The following CACNA1H variants were observed in gnomAD, a reference collection of about 807,000 sequenced individuals.
CACNA1H encodes the protein voltage-dependent T-type calcium channel subunit alpha-1H.
In CACNA1H, 149 loss-of-function variants were observed where a neutral mutation model predicts 192.5. The ratio of observed to expected loss-of-function variants is 0.77; its 90% CI spans 0.68 to 0.89. The LOEUF is 0.89. CACNA1H is among the 40% of genes least tolerant of loss of function. CACNA1H has a pLI of 0.00. For missense variants in CACNA1H, 4,257 were observed against 3,423.5 expected (o/e 1.24, Z -6.08); for synonymous variants, 2,202 against 1,475.2 (o/e 1.49, Z -11.29).
At chr16:1,198,866 C>T (rs1967331558) in intron 6 of CACNA1H, 92 bp downstream of exon 6, 2 of 1,283,748 alleles carry the variant, frequency 1.6e-6, no homozygotes, top group Admixed American at 2.1e-5. Flanking sequence ...CCCCACGTGG[C>T]TCTGCCCACC....
chr16:1,220,705 C>G lies in CACNA1H; in HGVS notation c.6773C>G (p.Ala2258Gly). The G allele has an allele frequency of 1.2e-6, 2 of 1,611,868 alleles. No individual in the cohort carries two copies. The highest frequency in any genetic ancestry group is 1.7e-6 in the Non-Finnish European group (2 of 1,179,544). Residue 2258 changes from alanine (A) to glycine (G), a missense_variant, in exon 35 of 35, where the codon GCT becomes GGT. By Grantham distance (60) the Ala-to-Gly change is moderately conservative. Transcript: ENST00000348261. ...CGCTGGGGCCAGGCCTCCTGCCGGG[C>G]TGAGCACCTGACCGTCCCCAGCTTT... Reference protein sequence around the residue: ...GERWGQASCRAEHLTVPSFAF... With the variant: ...GERWGQASCRGEHLTVPSFAF...
chr16:1,206,807 C>G, intron 12 of CACNA1H, 194 bp from the exon 13 acceptor site: 1 of 583,518 alleles, frequency 1.7e-6, no homozygotes, highest in East Asian at 2.8e-5. Context: ...ATGGACACTA[C>G]TGAGTTGTAG....
rs777626104 is a variant in CACNA1H at position 1,209,139 on chromosome 16, C to T, written c.3471C>T (p.Arg1157=). ...GCCGTGCCCCCAGCCTCAAGCGCCG[C>T]GGCCAGTGTGGGGAACGTGAGTCCC... ...SLGRAPSLKR[R]GQCGERESLL... is the part of the protein sequence containing the mutation. The change falls in exon 17 of 35, where the codon CGC becomes CGT. Residue 1157 remains arginine (R), a synonymous_variant. Transcript: ENST00000348261. 3.2e-5 allele frequency: 49 copies of T among 1,553,142 alleles called. No homozygotes were observed. In the Middle Eastern group the frequency reaches 5.0e-4, roughly 16 times the overall value.
intron 8 of CACNA1H, 39 bp from the exon 9 acceptor site, chr16:1,201,624 G>C (rs989262448): frequency 2.0e-6 from 3 of 1,518,844 alleles, no homozygotes; most frequent in African/African-American, 2.7e-5. Context: ...TCAGAGACTC[G>C]CTCACTCACT....
intron 2 of CACNA1H, among the ~76,000 whole-genome samples, chr16:1,163,233 C>T (rs991264551): frequency 7.9e-5 from 12 of 152,242 alleles, no homozygotes; most frequent in African/African-American, 2.2e-4. Flanking sequence ...GCCCTGGTGC[C>T]CGTCTGCAGG....
rs373463420 is a variant in CACNA1H, at chr16:1,207,835, C to T, written c.3129C>T (p.His1043=). 3.8e-6 allele frequency: 6 copies of T among 1,599,508 alleles called. No individual in the cohort carries two copies. The highest frequency in any genetic ancestry group is 1.7e-5 in the Admixed American group (1 of 58,018). ...KTSVHFEEDF[H]KLRELQTTEL... ...CGGTCCACTTCGAGGAGGACTTCCA[C>T]AAGCTCAGAGAACTCCAGACCACAG... Residue 1043 remains histidine, a synonymous_variant, in exon 15 of 35, where the codon CAC becomes CAT. Coordinates refer to ENST00000348261, the MANE Select transcript of CACNA1H (RefSeq NM_021098.3).
At position 1,187,266 on chromosome 16, in the gene CACNA1H, T is replaced by A. The variant is rs948078019; in HGVS notation, c.300-7706T>A. Reference sequence around the variant, plus strand: ...CAGAGCGGACAGGGAGGGAGCGGCCTCAGCCTTGGCACCCTCTACCCAGGG... The same window carrying A: ...CAGAGCGGACAGGGAGGGAGCGGCCACAGCCTTGGCACCCTCTACCCAGGG... On this transcript the variant is annotated intron_variant, in intron 2 of 34. Coordinates refer to ENST00000348261, the MANE Select transcript of CACNA1H (RefSeq NM_021098.3). Among the ~76,000 whole-genome samples, 3 of 152,226 alleles carry A rather than the reference T, an allele frequency of 2.0e-5. No individual in the cohort carries two copies. In the East Asian group the frequency reaches 5.8e-4, roughly 29 times the overall value.
At chr16:1,186,600 C>T (rs1411920792) in intron 2 of CACNA1H, among the ~76,000 whole-genome samples, 1 of 152,124 alleles carries the variant, frequency 6.6e-6, no homozygotes, top group Non-Finnish European at 1.5e-5. Context: ...CTCGAGATGG[C>T]CTGCACTGTG....
At chr16:1,201,046 G>A (rs1967819109) in intron 8 of CACNA1H, among the ~76,000 whole-genome samples, 1 of 152,110 alleles carries the variant, frequency 6.6e-6, no homozygotes, top group Non-Finnish European at 1.5e-5. Context: ...GAAGAGCCAG[G>A]AACACCCTGG....
chr16:1,201,751 G>A lies in CACNA1H; in HGVS notation c.1301G>A (p.Arg434Gln), dbSNP rs373469167. The change falls in exon 9 of 35, where the codon CGG becomes CAG. Residue 434 changes from arginine (R) to glutamine (Q), a missense_variant. Coordinates refer to ENST00000348261, the MANE Select transcript of CACNA1H (RefSeq NM_021098.3). ...ETKQRESQLM[R>Q]EQRARHLSND... ...AAGCAGCGGGAGAGTCAGCTGATGC[G>A]GGAGCAGCGGGCACGCCACCTGTCC... 2.8e-5 allele frequency: 45 copies of A among 1,608,924 alleles called. No homozygotes were observed. The highest frequency in any genetic ancestry group is 1.7e-4 in the Middle Eastern group (1 of 5,892).
intron 6 of CACNA1H, among the ~76,000 whole-genome samples, chr16:1,199,206 C>T (rs1596395956): frequency 1.9e-5 from 1 of 51,330 alleles, no homozygotes; most frequent in African/African-American, 8.9e-5. Context: ...CGTGCGGTCG[C>T]TGCACATATG....
rs1227599612 is a variant in CACNA1H at position 1,153,865 on chromosome 16, G to T, written c.128G>T (p.Gly43Val). The stretch of plus-strand genomic sequence containing the variant: ...GCGCCGGGACGCGAGGCGGAGCGGG[G>T]GTCCGAGCTCGGCGTGTCACCCTCC... ...PGAPGREAER[G>V]SELGVSPSES... The change falls in exon 2 of 35, where the codon GGG (glycine) becomes GTG (valine). Residue 43 changes from glycine (G) to valine (V), a missense_variant. Physicochemically the swap from Gly to Val is moderately radical, Grantham distance 109. Coordinates refer to ENST00000348261, the MANE Select transcript of CACNA1H (RefSeq NM_021098.3). The T allele has an allele frequency of 1.4e-6, 2 of 1,385,716 alleles. No homozygotes were observed. The highest frequency in any genetic ancestry group is 1.9e-6 in the Non-Finnish European group (2 of 1,066,718). 85.8% of individuals were successfully genotyped at this position (1,385,716 alleles called of 1,614,324 possible). A position where few individuals can be genotyped will look rare whatever the true frequency, so the allele number is the denominator to read the frequency against.
chr16:1,211,329 G>T, intron 22 of CACNA1H, 35 bp downstream of exon 22: 1 of 1,611,694 alleles, frequency 6.2e-7, no homozygotes, highest in Admixed American at 1.7e-5. Context: ...GGTCTGCCCC[G>T]TCGCAGACAG....
Position 1,212,523 on chromosome 16 carries a change from G to C in CACNA1H, c.4772G>C (p.Ser1591Thr). 4 of 1,611,068 alleles carry C rather than the reference G, an allele frequency of 2.5e-6. No individual in the cohort carries two copies. Among genetic ancestry groups the C allele is most frequent in the Non-Finnish European group, 3.4e-6 (4 of 1,179,114 alleles). The change falls in exon 26 of 35, where the codon AGC becomes ACC. Residue 1591 changes from serine (S) to threonine (T), a missense_variant. Transcript: ENST00000348261. Reference protein sequence around the residue: ...LERRRRSTFPSPEAQRRPYYA... With the variant: ...LERRRRSTFPTPEAQRRPYYA... ...CTTGTCTTTCCAGGCACTTTCCCCA[G>C]CCCAGGTACCGGCCCTGTCCCGCAT...
At chr16:1,211,925 C>A in intron 24 of CACNA1H, 21 bp from the exon 25 acceptor site, 1 of 1,611,980 alleles carries the variant, frequency 6.2e-7, no homozygotes, top group Non-Finnish European at 8.5e-7. Context: ...CGGGCGGGGA[C>A]CCACCGCCTC....
intron 9 of CACNA1H, among the ~76,000 whole-genome samples, chr16:1,203,697 G>C (rs1469922862): frequency 6.6e-6 from 1 of 152,222 alleles, no homozygotes; most frequent in Non-Finnish European, 1.5e-5. Context: ...TGGCGGTTTT[G>C]CAAGTCCCCG....
Position 1,196,032 on chromosome 16 carries a change from C to A in CACNA1H, c.643+9C>A. 6.2e-7 allele frequency: 1 copy of A among 1,608,296 alleles called. No homozygotes were observed. The highest frequency in any genetic ancestry group is 1.7e-4 in the Middle Eastern group (1 of 6,048). ...CATCAACCGCGTGCCTAGTAAGTGA[C>A]CGGCCCCGACTGGGCTTGAGATCAA... On this transcript the variant is annotated intron_variant, in intron 5 of 34. Transcript: ENST00000348261.
chr16:1,214,287 C>G (rs893040405), intron 27 of CACNA1H, among the ~76,000 whole-genome samples: 1 of 152,368 alleles, frequency 6.6e-6, no homozygotes, highest in East Asian at 1.9e-4. Flanking sequence ...CCCCTGCATC[C>G]TCTCCTTTCC....
At position 1,220,200 on chromosome 16, in the gene CACNA1H, G is replaced by A; in HGVS notation, c.6268G>A (p.Glu2090Lys). 3 of 1,548,266 alleles carry A rather than the reference G, an allele frequency of 1.9e-6. No homozygotes were observed. The highest frequency in any genetic ancestry group is 1.7e-6 in the Non-Finnish European group (2 of 1,153,408). The change falls in exon 35 of 35, where the codon GAG becomes AAG. Residue 2090 changes from glutamate to lysine, a missense_variant. By Grantham distance (56) the Glu-to-Lys change is moderately conservative (BLOSUM62 1). Coordinates refer to ENST00000348261, the MANE Select transcript of CACNA1H (RefSeq NM_021098.3). ...CCGGCCGGCGGCCCCAGGCGGAGAG[G>A]AGGCCGAGGCCTCGGACCCAGCCGA... ...SSRPAAPGGE[E>K]AEASDPADEE...
Sources: allele counts gnomAD v4.1 joint callset (sites outside exome capture counted in the v4.1 genomes callset), GRCh38; gene constraint gnomAD v4.1.1; transcripts MANE v1.5; gene names NCBI Gene and HGNC (gene_info 2026-07-23, HGNC 2026-07-21).